CRHR2: variants seen among roughly 807,000 people sequenced by gnomAD.
CRHR2 encodes corticotropin releasing hormone receptor 2.
CRHR2 carries 53 observed loss-of-function variants against 57.9 expected under a neutral mutation model. That is an observed-to-expected ratio of 0.92 (90% confidence interval 0.73 to 1.15). CRHR2 has a LOEUF of 1.15. Ranked by LOEUF, CRHR2 falls within the 50% of genes most tolerant of loss-of-function variation. The pLI is 0.00. For missense variants in CRHR2, 532 were observed against 542.6 expected, an observed-to-expected ratio of 0.98 and a Z score of 0.19; for synonymous variants, 213 against 220.9, an observed-to-expected ratio of 0.96 and a Z score of 0.32.
chr7:30,695,182 G>A (rs1366458820), intron 1 of CRHR2, among the ~76,000 whole-genome samples: 1 of 151,944 alleles, frequency 6.6e-6, no homozygotes, highest in Non-Finnish European at 1.5e-5. Flanking sequence ...GGGGTGGGGT[G>A]TCAGATGAGG....
chr7:30,679,692 C>A (rs1784634765), intron 2 of CRHR2, among the ~76,000 whole-genome samples: 2 of 152,140 alleles, frequency 1.3e-5, no homozygotes, highest in Admixed American at 6.5e-5. Flanking sequence ...GGAAGTGGAG[C>A]CTGAACGCTC....
At chr7:30,655,148 G>C (rs1324674051) in intron 10 of CRHR2, 68 bp from the exon 11 acceptor site, 1 of 1,532,574 alleles carries the variant, frequency 6.5e-7, no homozygotes, top group Non-Finnish European at 8.9e-7. Context: ...TGGTGGGGTG[G>C]CACTGGGGAC....
intron 1 of CRHR2, among the ~76,000 whole-genome samples, chr7:30,695,268 T>C (rs1005794529): frequency 2.6e-5 from 4 of 152,060 alleles, no homozygotes; most frequent in Admixed American, 2.0e-4. Flanking sequence ...AGTTCTAACT[T>C]GTAGGGTGTT....
chr7:30,695,223 G>A (rs1477270001), intron 1 of CRHR2, among the ~76,000 whole-genome samples: 2 of 152,138 alleles, frequency 1.3e-5, no homozygotes, highest in Non-Finnish European at 2.9e-5. Context: ...GGTGTGTTCA[G>A]GCAGGCTCCT....
chr7:30,690,199 C>G (rs1270577416), intron 1 of CRHR2, among the ~76,000 whole-genome samples: 6 of 152,120 alleles, frequency 3.9e-5, no homozygotes, highest in African/African-American at 1.4e-4. Context: ...GCAGGGGTAG[C>G]ATCACAGAAG....
At chr7:30,686,556 C>G (rs1458520731), upstream of CRHR2, 1 of 1,518,564 alleles carries the variant, frequency 6.6e-7, no homozygotes, top group Non-Finnish European at 8.8e-7. Context: ...CACCCATAAT[C>G]TCAGCACTTG....
rs922516868 is a variant in CRHR2 at position 30,667,308 on chromosome 7, C to T, written c.235G>A (p.Ala79Thr). The T allele has an allele frequency of 3.1e-6, 5 of 1,614,148 alleles. No homozygotes were observed. The highest frequency in any genetic ancestry group is 4.2e-6 in the Non-Finnish European group (5 of 1,180,004). ...NGVKYNTTRN[A>T]YRECLENGTW... Reference sequence around the variant, plus strand: ...CCATTCTCCAAGCATTCTCGATAGGCATTCCCTACAAAAAATGCCAACTGC... The same window carrying T: ...CCATTCTCCAAGCATTCTCGATAGGTATTCCCTACAAAAAATGCCAACTGC... The change falls in exon 3 of 12, where the codon GCC (alanine) becomes ACC (threonine). Residue 79 changes from alanine to threonine, a missense_variant. By Grantham distance (58) the Ala-to-Thr change is moderately conservative. Coordinates refer to ENST00000471646, the MANE Select transcript of CRHR2 (RefSeq NM_001883.5).
chr7:30,671,582 T>C (rs1784353195), intron 2 of CRHR2, among the ~76,000 whole-genome samples: 1 of 149,822 alleles, frequency 6.7e-6, no homozygotes, highest in African/African-American at 2.5e-5. Context: ...GGTGAATTGC[T>C]TGAGCCCAAG....
intron 2 of CRHR2, 69 bp from the exon 3 acceptor site, chr7:30,667,382 T>C (rs1784221678): frequency 1.5e-6 from 2 of 1,352,898 alleles, no homozygotes; most frequent in Non-Finnish European, 2.1e-6. Context: ...GGCTCCCTGG[T>C]GCCCACAGGA....
intron 10 of CRHR2, 91 bp downstream of exon 10, chr7:30,655,489 A>G: frequency 1.4e-6 from 2 of 1,463,262 alleles, no homozygotes; most frequent in Non-Finnish European, 1.8e-6. Context: ...TGGGTGTGCC[A>G]GTCCCACGGG....
intron 8 of CRHR2, among the ~76,000 whole-genome samples, chr7:30,658,936 G>A (rs746100340): frequency 1.3e-5 from 2 of 152,178 alleles, no homozygotes; most frequent in Non-Finnish European, 2.9e-5. Context: ...GTCCAACCTC[G>A]AGGACAACAG....
At chr7:30,700,067 TGCTGCCCA>T in exon 1 of CRHR2, 8 of 1,351,588 alleles carry the variant, frequency 5.9e-6, no homozygotes, top group Non-Finnish European at 7.7e-6. Context: ...GACTGGAGCC[TGCTGCCCA>T]GCACGGTGGT....
In CRHR2 at chr7:30,681,969, G is replaced by GGGGA; in HGVS notation, c.174_175insTCCC (p.Leu59SerfsTer42). The GGGGA allele has an allele frequency of 6.2e-7, 1 of 1,611,340 alleles. No homozygotes were observed. The highest frequency in any genetic ancestry group is 8.5e-7 in the Non-Finnish European group (1 of 1,179,266). On this transcript the variant is annotated frameshift_variant, in exon 2 of 12. Transcript: ENST00000471646. LOFTEE classifies it high-confidence loss of function. ...TACTCGGGGCACGGCCTCTCCACGA[G>GGGGA]GGCTCCGGCAGCGCTGCGGGGCCAG... is the stretch of plus-strand genomic sequence containing the variant.
At chr7:30,692,924 C>T (rs559525691) in intron 1 of CRHR2, among the ~76,000 whole-genome samples, 5 of 152,134 alleles carry the variant, frequency 3.3e-5, no homozygotes, top group Non-Finnish European at 7.4e-5. Flanking sequence ...GTCAGGTTCC[C>T]ATGGGAAGAG....
chr7:30,671,207 G>A (rs994010148), intron 2 of CRHR2, among the ~76,000 whole-genome samples: 1 of 152,110 alleles, frequency 6.6e-6, no homozygotes, highest in Non-Finnish European at 1.5e-5. Context: ...GGCATCTCAG[G>A]TGGATCAATT....
Position 30,662,825 on chromosome 7 carries a change from G to A in CRHR2, c.566C>T (p.Thr189Ile). The change falls in exon 6 of 12, where the codon ACC becomes ATC. Residue 189 changes from threonine (T) to isoleucine (I), a missense_variant. Thr to Ile is a moderately conservative substitution (Grantham distance 89, BLOSUM62 -1). Transcript: ENST00000471646. ...SNEVWCRCITTIFNYFVVTNF... is the reference protein window; with the variant it reads ...SNEVWCRCITIIFNYFVVTNF... ...GGTCACCACGAAGTAGTTGAAGATGGTGGTGATGCAGCGGCACCAGACCTG... is the reference window on the plus strand; with the variant it reads ...GGTCACCACGAAGTAGTTGAAGATGATGGTGATGCAGCGGCACCAGACCTG... The A allele has an allele frequency of 6.2e-7, 1 of 1,614,220 alleles. No homozygotes were observed. Among genetic ancestry groups the A allele is most frequent in the Non-Finnish European group, 8.5e-7 (1 of 1,180,032 alleles).
upstream of CRHR2, among the ~76,000 whole-genome samples, chr7:30,687,453 G>T (rs1022769773): frequency 1.4e-4 from 22 of 151,788 alleles, no homozygotes; most frequent in African/African-American, 4.6e-4. Flanking sequence ...AAAAAGAAAA[G>T]AAAAAGAAAA....
intron 6 of CRHR2, 73 bp from the exon 7 acceptor site, chr7:30,662,289 AC>A: frequency 6.5e-7 from 1 of 1,535,032 alleles, no homozygotes; most frequent in Non-Finnish European, 9.0e-7. Flanking sequence ...ACCGTGGGGT[AC>A]CACAACAGGG....
intron 11 of CRHR2, chr7:30,654,610 A>C: frequency 7.0e-7 from 1 of 1,431,866 alleles, no homozygotes; most frequent in Non-Finnish European, 9.4e-7. Flanking sequence ...CTGACTCCCC[A>C]GAGCCTGCTC....
Sources: allele counts gnomAD v4.1 joint callset (sites outside exome capture counted in the v4.1 genomes callset), GRCh38; gene constraint gnomAD v4.1.1; transcripts MANE v1.5; gene names NCBI Gene and HGNC (gene_info 2026-07-23, HGNC 2026-07-21).